Variants in RASSF4 observed in about 807,000 individuals in gnomAD.
RASSF4 encodes ras association domain-containing protein 4.
RASSF4 carries 38 observed loss-of-function variants against 41.1 expected under a neutral mutation model. The observed-to-expected ratio is 0.92, with a 90% CI of 0.71 to 1.21. The LOEUF (loss-of-function observed/expected upper bound fraction) is 1.21, where lower values mean the gene tolerates loss of function less well. RASSF4 is among the 50% of genes most tolerant of loss of function. RASSF4 has a pLI of 0.00. For missense variants in RASSF4, 414 were observed against 419.4 expected, an observed-to-expected ratio of 0.99 and a Z score of 0.11; for synonymous variants, 179 against 163.4, an observed-to-expected ratio of 1.10 and a Z score of -0.73.
At chr10:44,969,090 TTGTG>T (rs1841030500) in intron 1 of RASSF4, among the ~76,000 whole-genome samples, 1 of 145,010 alleles carries the variant, frequency 6.9e-6, no homozygotes. Context: ...GTGCATGTGA[TTGTG>T]TATGCGTGTG....
chr10:44,982,404 G>A (rs1318453316), intron 3 of RASSF4, 117 bp from the exon 4 acceptor site: 11 of 1,283,290 alleles, frequency 8.6e-6, no homozygotes, highest in African/African-American at 1.5e-5. Context: ...GAGGGGATGG[G>A]GCCACTCAGG....
chr10:44,971,775 C>A lies in RASSF4; in HGVS notation c.65C>A (p.Ser22Ter). Reference protein sequence around the residue: ...PISDSKSIQKSELLGLLKTYN... With the variant: ...PISDSKSIQK The stretch of plus-strand genomic sequence containing the variant: ...CATGTGTGTCTTTCCCTTTTTAGGT[C>A]GGAGCTCTTAGGCCTGCTGAAAACC... The change falls in exon 3 of 11, where the codon TCG becomes TAG. Residue 22 changes from serine to a stop codon, truncating the protein, a stop_gained and splice_region_variant. Coordinates refer to ENST00000340258, the MANE Select transcript of RASSF4 (RefSeq NM_032023.4). LOFTEE classifies it high-confidence loss of function. 6.2e-7 allele frequency: 1 copy of A among 1,613,646 alleles called. No homozygotes were observed. The highest frequency in any genetic ancestry group is 1.1e-5 in the South Asian group (1 of 91,066).
intron 1 of RASSF4, among the ~76,000 whole-genome samples, chr10:44,960,769 T>C (rs554130996): frequency 6.6e-6 from 1 of 152,344 alleles, no homozygotes; most frequent in South Asian, 2.1e-4. Flanking sequence ...GCTTCTGGAA[T>C]TTGAACCCAA....
In RASSF4 at chr10:44,993,489, A is replaced by G. The variant is rs1486188750; in HGVS notation, c.*160A>G. On this transcript the variant is annotated 3_prime_UTR_variant, in exon 11 of 11. Transcript: ENST00000340258. Reference sequence around the variant, plus strand: ...GAAGCCTGAGCACCATGATTCCCACAGCCAGCTCTTGGCTCCAAGATGAGC... The same window carrying G: ...GAAGCCTGAGCACCATGATTCCCACGGCCAGCTCTTGGCTCCAAGATGAGC... 1.6e-6 allele frequency: 1 copy of G among 631,204 alleles called. No individual in the cohort carries two copies. Among genetic ancestry groups the G allele is most frequent in the African/African-American group, 1.8e-5 (1 of 54,750 alleles). 39.1% of individuals were successfully genotyped at this position (631,204 alleles called of 1,614,324 possible). A position where few individuals can be genotyped will look rare whatever the true frequency, so the allele number is the denominator to read the frequency against.
chr10:44,983,264 T>C (rs1841789913), intron 4 of RASSF4: 1 of 263,576 alleles, frequency 3.8e-6, no homozygotes, highest in South Asian at 3.9e-5. Flanking sequence ...ATTCAGAGCT[T>C]TGCCCCCTTC....
At chr10:44,989,507 G>A in intron 7 of RASSF4, 132 bp downstream of exon 7, 1 of 949,860 alleles carries the variant, frequency 1.1e-6, no homozygotes, top group Non-Finnish European at 1.7e-6. Flanking sequence ...TCCCTCTGCT[G>A]AGCTTTGGTT....
chr10:44,976,469 T>C (rs1458539343), intron 3 of RASSF4: 1 of 152,382 alleles, frequency 6.6e-6, no homozygotes, highest in East Asian at 1.9e-4. Context: ...CAGCTCAATC[T>C]TCCTCCTCTC....
In RASSF4 at chr10:44,989,728, ACC is replaced by A; in HGVS notation, c.685+8_685+9del. On this transcript the variant is annotated splice_region_variant and intron_variant, in intron 8 of 10. Coordinates refer to ENST00000340258, the MANE Select transcript of RASSF4 (RefSeq NM_032023.4). The stretch of plus-strand genomic sequence containing the variant: ...ATCGTTCACGAGTCTGGGGGTAAGT[ACC>A]TGCCCCACTTCTGGATCGTAAAAGC... The A allele has an allele frequency of 6.2e-7, 1 of 1,613,600 alleles. No homozygotes were observed. The highest frequency in any genetic ancestry group is 1.1e-5 in the South Asian group (1 of 91,072).
At chr10:44,970,004 A>G (rs1434626403) in intron 1 of RASSF4, among the ~76,000 whole-genome samples, 161 bp from the exon 2 acceptor site, 1 of 152,238 alleles carries the variant, frequency 6.6e-6, no homozygotes, top group Non-Finnish European at 1.5e-5. Context: ...ACATGTGGCC[A>G]TGTGGGTCTG....
chr10:44,987,711 G>A (rs370942398), intron 6 of RASSF4, among the ~76,000 whole-genome samples: 16 of 150,394 alleles, frequency 1.1e-4, no homozygotes, highest in Admixed American at 4.6e-4. Context: ...TATCGGTGCC[G>A]TTTTCCAACA....
chr10:44,984,355 T>TCC (rs1841836653), intron 5 of RASSF4: 5 of 553,824 alleles, frequency 9.0e-6, no homozygotes, highest in Non-Finnish European at 1.6e-5. Flanking sequence ...GTGGCCTGAG[T>TCC]CCCCCGCCCT....
At position 44,993,298 on chromosome 10, in the gene RASSF4, A is replaced by G. The variant is rs745529616; in HGVS notation, c.935A>G (p.Gln312Arg). Residue 312 changes from glutamine to arginine, a missense_variant, in exon 11 of 11, where the codon CAG (glutamine) becomes CGG (arginine). Coordinates refer to ENST00000340258, the MANE Select transcript of RASSF4 (RefSeq NM_032023.4). Reference sequence around the variant, plus strand: ...CAAGCCCTGCGTCTGACGATGCTGCAGCGCCTGGAGCAGCTGGTGGAGGCC... The same window carrying G: ...CAAGCCCTGCGTCTGACGATGCTGCGGCGCCTGGAGCAGCTGGTGGAGGCC... ...KFQALRLTML[Q>R]RLEQLVEAK 5 of 1,607,886 alleles carry G rather than the reference A, an allele frequency of 3.1e-6. No homozygotes were observed. The African/African-American group carries it at 6.7e-5, about 21-fold the overall frequency.
At chr10:44,971,074 T>C (rs533729462) in intron 2 of RASSF4, 53 of 203,016 alleles carry the variant, frequency 2.6e-4, no homozygotes, top group South Asian at 6.4e-4. Context: ...CCTCCTAACA[T>C]GTACTAGAAG....
chr10:44,984,112 G>A lies in RASSF4; in HGVS notation c.372G>A (p.Ser124=), dbSNP rs372763597. The A allele has an allele frequency of 1.8e-5, 29 of 1,597,662 alleles. No homozygotes were observed. The highest frequency in any genetic ancestry group is 9.1e-5 in the South Asian group (8 of 88,082). ...AGGCTGAGAGTTCCACAGACAGCTCGGGTAAGCGGAGCCCGCAAGCTGCCC... is the reference window on the plus strand; with the variant it reads ...AGGCTGAGAGTTCCACAGACAGCTCAGGTAAGCGGAGCCCGCAAGCTGCCC... ...VHKAESSTDS[S]GPLEEAEEAP... is the part of the protein sequence containing the mutation. Residue 124 remains serine, a splice_region_variant and synonymous_variant, in exon 5 of 11, where the codon TCG becomes TCA. Transcript: ENST00000340258.
intron 3 of RASSF4, chr10:44,977,112 T>C (rs112482894): frequency 1.1e-5 from 4 of 360,796 alleles, no homozygotes; most frequent in African/African-American, 6.2e-5. Context: ...TATCCCTATA[T>C]TACCCATGAG....
chr10:44,990,853 G>A (rs1401555414), intron 8 of RASSF4, 95 bp from the exon 9 acceptor site: 38 of 1,324,358 alleles, frequency 2.9e-5, no homozygotes, highest in Non-Finnish European at 3.6e-5. Flanking sequence ...GGTTCCCTGC[G>A]CCCCTAGACG....
chr10:44,982,332 G>C, intron 3 of RASSF4, 189 bp from the exon 4 acceptor site: 1 of 721,968 alleles, frequency 1.4e-6, no homozygotes, highest in Admixed American at 2.2e-5. Context: ...GCACATCTCA[G>C]GCTCCCTCCC....
rs1842244557 is a variant in RASSF4 at position 44,995,071 on chromosome 10, A to G, written c.*1742A>G. 6.6e-6 allele frequency: 1 copy of G among 152,272 alleles called. No homozygotes were observed. Among genetic ancestry groups the G allele is most frequent in the African/African-American group, 2.4e-5 (1 of 41,440 alleles). 9.4% of individuals were successfully genotyped at this position (152,272 alleles called of 1,614,324 possible). A position where few individuals can be genotyped will look rare whatever the true frequency, so the allele number is the denominator to read the frequency against. On this transcript the variant is annotated 3_prime_UTR_variant, in exon 11 of 11. Transcript: ENST00000340258. Reference sequence around the variant, plus strand: ...GTGGGATGGAAGCAGGGCCTAGGAGAGGGTACAAAACAAATCAAACAGGAG... The same window carrying G: ...GTGGGATGGAAGCAGGGCCTAGGAGGGGGTACAAAACAAATCAAACAGGAG...
chr10:44,976,228 T>C (rs1841420671), intron 3 of RASSF4: 2 of 152,244 alleles, frequency 1.3e-5, no homozygotes. Flanking sequence ...ACATTGCTGA[T>C]GTCCCCATTT....
Sources: gnomAD v4.1 joint callset for allele counts (sites outside exome capture counted in the v4.1 genomes callset) on GRCh38, gnomAD v4.1.1 for gene constraint, MANE v1.5 for transcripts, NCBI Gene and HGNC (gene_info 2026-07-23, HGNC 2026-07-21) for gene names.